The following CSMD1 variants were observed in gnomAD, a reference collection of about 807,000 sequenced individuals.
CSMD1 encodes the protein CUB and sushi domain-containing protein 1.
Under a neutral mutation model 417.5 loss-of-function variants are expected in CSMD1, and 213 were observed. The ratio of observed to expected loss-of-function variants is 0.51; its 90% confidence interval spans 0.46 to 0.57. CSMD1 has a LOEUF of 0.57. CSMD1 is among the 20% of genes least tolerant of loss of function. The pLI is 0.00. For synonymous variants in CSMD1, 2,862 were observed against 1,736.8 expected (o/e 1.65, Z -16.11); for missense variants, 6,923 against 4,529.7 (o/e 1.53, Z -15.17).
At chr8:4,235,689 T>A (rs942545087) in intron 3 of CSMD1, among the ~76,000 whole-genome samples, 2 of 152,236 alleles carry the variant, frequency 1.3e-5, no homozygotes, top group African/African-American at 2.4e-5. Context: ...CATGTTTTCC[T>A]GAAGAATTTT....
intron 10 of CSMD1, among the ~76,000 whole-genome samples, chr8:3,562,193 G>C (rs998610328): frequency 6.6e-6 from 1 of 152,124 alleles, no homozygotes; most frequent in East Asian, 1.9e-4. Context: ...GATGGAAAGT[G>C]AATGTTAAAA....
At chr8:3,212,493 C>A (rs1199050566) in intron 30 of CSMD1, among the ~76,000 whole-genome samples, 1 of 152,132 alleles carries the variant, frequency 6.6e-6, no homozygotes, top group Non-Finnish European at 1.5e-5. Flanking sequence ...GGACTACAGG[C>A]ATGAGCCACC....
chr8:3,416,896 A>G (rs991427291), intron 12 of CSMD1, among the ~76,000 whole-genome samples: 2 of 152,232 alleles, frequency 1.3e-5, no homozygotes, highest in African/African-American at 2.4e-5. Flanking sequence ...TCTTTGTATA[A>G]AACCGCTCAA....
intron 2 of CSMD1, among the ~76,000 whole-genome samples, chr8:4,528,216 C>T (rs1796616576): frequency 6.6e-6 from 1 of 152,148 alleles, no homozygotes; most frequent in Non-Finnish European, 1.5e-5. Flanking sequence ...ACTTTCTGTT[C>T]CATCTTCAGT....
At chr8:3,436,111 T>A (rs200219643) in intron 12 of CSMD1, among the ~76,000 whole-genome samples, 1 of 152,132 alleles carries the variant, frequency 6.6e-6, no homozygotes, top group African/African-American at 2.4e-5. Context: ...TCCCTCACTC[T>A]CCAGCCCTCT....
chr8:4,917,583 G>A (rs1457394813), intron 1 of CSMD1, among the ~76,000 whole-genome samples: 2 of 152,148 alleles, frequency 1.3e-5, no homozygotes, highest in African/African-American at 4.8e-5. Flanking sequence ...GCAGTGAGCC[G>A]AGATCATGCC....
chr8:3,142,727 C>T, intron 40 of CSMD1, 53 bp from the exon 41 acceptor site: 1 of 1,410,092 alleles, frequency 7.1e-7, no homozygotes, highest in Non-Finnish European at 1.0e-6. Flanking sequence ...TGTATAAAAT[C>T]AATGCTCATA....
intron 1 of CSMD1, among the ~76,000 whole-genome samples, chr8:4,864,116 A>G (rs1393071387): frequency 6.6e-6 from 1 of 151,932 alleles, no homozygotes; most frequent in Non-Finnish European, 1.5e-5. Context: ...ATAGTTGAAA[A>G]CTTTGTCTGG....
intron 1 of CSMD1, among the ~76,000 whole-genome samples, chr8:4,965,363 T>C (rs1809792322): frequency 6.6e-6 from 1 of 152,224 alleles, no homozygotes. Flanking sequence ...TTAAAGCAGG[T>C]GTACACAAGG....
intron 1 of CSMD1, among the ~76,000 whole-genome samples, chr8:4,796,113 G>C (rs1051521505): frequency 1.3e-5 from 2 of 152,064 alleles, no homozygotes; most frequent in East Asian, 3.9e-4. Context: ...GGAGTTTACT[G>C]TCTGTGGAGA....
At chr8:4,235,470 T>G (rs1036804048) in intron 3 of CSMD1, among the ~76,000 whole-genome samples, 1 of 152,160 alleles carries the variant, frequency 6.6e-6, no homozygotes, top group Non-Finnish European at 1.5e-5. Flanking sequence ...GAGTGTGATT[T>G]GGAAACCTAA....
At chr8:3,390,702 T>C (rs937886098) in intron 17 of CSMD1, among the ~76,000 whole-genome samples, 2 of 152,104 alleles carry the variant, frequency 1.3e-5, no homozygotes, top group African/African-American at 4.8e-5. Context: ...ACTGAATACA[T>C]TTGCTACTTA....
intron 3 of CSMD1, among the ~76,000 whole-genome samples, chr8:4,088,924 C>G (rs1156760222): frequency 6.6e-6 from 1 of 152,202 alleles, no homozygotes; most frequent in East Asian, 1.9e-4. Context: ...CGAAAAAGCA[C>G]TCCCCTGCCA....
intron 2 of CSMD1, among the ~76,000 whole-genome samples, chr8:4,433,334 G>A (rs1342270549): frequency 6.6e-6 from 1 of 152,152 alleles, no homozygotes; most frequent in Non-Finnish European, 1.5e-5. Flanking sequence ...GCACCAGAAA[G>A]GTTGGGGACT....
chr8:3,363,307 T>A (rs1446719406), intron 20 of CSMD1, among the ~76,000 whole-genome samples: 1 of 152,162 alleles, frequency 6.6e-6, no homozygotes, highest in Non-Finnish European at 1.5e-5. Flanking sequence ...ATTTGAAAAG[T>A]CATGGTACCA....
chr8:4,872,605 G>C (rs551480316), intron 1 of CSMD1, among the ~76,000 whole-genome samples: 1 of 152,142 alleles, frequency 6.6e-6, no homozygotes, highest in African/African-American at 2.4e-5. Flanking sequence ...AAATTACCCA[G>C]TCTCAGGCAG....
chr8:3,189,153 G>A, intron 34 of CSMD1, 142 bp from the exon 35 acceptor site: 9 of 663,832 alleles, frequency 1.4e-5, no homozygotes, highest in South Asian at 3.4e-5. Context: ...TTTTAGCCAA[G>A]GTAAAATTCA....
At chr8:3,281,140 C>A (rs951285722) in intron 26 of CSMD1, among the ~76,000 whole-genome samples, 3 of 151,974 alleles carry the variant, frequency 2.0e-5, no homozygotes, top group Non-Finnish European at 4.4e-5. Flanking sequence ...GTATGTCCTT[C>A]AATAAGAAAA....
chr8:4,572,937 A>G (rs1316876148), intron 2 of CSMD1, among the ~76,000 whole-genome samples: 1 of 152,100 alleles, frequency 6.6e-6, no homozygotes, highest in Admixed American at 6.5e-5. Flanking sequence ...ATGCGTCATG[A>G]AGTCCTTGTG....
Sources: allele counts gnomAD v4.1 joint callset (sites outside exome capture counted in the v4.1 genomes callset), GRCh38; gene constraint gnomAD v4.1.1; transcripts MANE v1.5; gene names NCBI Gene and HGNC (gene_info 2026-07-23, HGNC 2026-07-21).